Variants in ZRANB3 observed in about 807,000 individuals in gnomAD.
The protein encoded by ZRANB3 is zinc finger RANBP2-type containing 3.
In ZRANB3, 125 loss-of-function variants were observed where a neutral mutation model predicts 133.8. That is an observed-to-expected ratio of 0.93 (90% CI 0.81 to 1.08). The LOEUF (loss-of-function observed/expected upper bound fraction) is 1.08, where lower values mean the gene tolerates loss of function less well. Ranked by LOEUF, ZRANB3 falls within the 50% of genes least tolerant of loss-of-function variation. ZRANB3 has a pLI of 0.00. For missense variants in ZRANB3, 1,229 were observed against 1,275.5 expected (o/e 0.96, Z 0.56); for synonymous variants, 387 against 432.7 (o/e 0.89, Z 1.31).
chr2:135,418,999 G>C (rs1446185515), intron 2 of ZRANB3, among the ~76,000 whole-genome samples: 1 of 134,140 alleles, frequency 7.5e-6, no homozygotes, highest in African/African-American at 2.8e-5. Flanking sequence ...GTGCAGTGGT[G>C]CGATCTCGGC....
chr2:135,365,819 A>C (rs1046959501), intron 3 of ZRANB3, among the ~76,000 whole-genome samples: 2 of 152,220 alleles, frequency 1.3e-5, no homozygotes, highest in Non-Finnish European at 2.9e-5. Context: ...ATCCTTTTTA[A>C]TGTGGCAACA....
intron 11 of ZRANB3, 52 bp downstream of exon 11, chr2:135,268,910 G>C: frequency 1.3e-6 from 2 of 1,514,680 alleles, no homozygotes; most frequent in Non-Finnish European, 1.8e-6. Flanking sequence ...ACTCACATTG[G>C]CTATGGTTAA....
chr2:135,484,527 T>C (rs1349341752), intron 2 of ZRANB3, among the ~76,000 whole-genome samples: 1 of 151,902 alleles, frequency 6.6e-6, no homozygotes, highest in Non-Finnish European at 1.5e-5. Context: ...AATAAAAAAT[T>C]AGGCAATGTA....
intron 1 of ZRANB3, chr2:135,510,644 G>A (rs182643220): frequency 1.3e-6 from 1 of 791,456 alleles, no homozygotes; most frequent in Non-Finnish European, 2.3e-6. Flanking sequence ...AGCCCACATA[G>A]AGGGCCTCCA....
chr2:135,285,863 C>A (rs1301519410), intron 8 of ZRANB3, among the ~76,000 whole-genome samples: 1 of 152,012 alleles, frequency 6.6e-6, no homozygotes, highest in Non-Finnish European at 1.5e-5. Flanking sequence ...TTATGCTGAT[C>A]ACAAATCTGA....
At chr2:135,484,547 A>T (rs1692004487) in intron 2 of ZRANB3, among the ~76,000 whole-genome samples, 1 of 152,010 alleles carries the variant, frequency 6.6e-6, no homozygotes, top group East Asian at 1.9e-4. Flanking sequence ...ATCTAACACT[A>T]AGCTTGATGG....
At chr2:135,238,682 G>A (rs62172170) in intron 12 of ZRANB3, 6,060 of 152,424 alleles carry the variant, frequency 0.04, 135 homozygotes, top group African/African-American at 0.048. Flanking sequence ...TGTGACTTCT[G>A]AGGCTAGGTC....
chr2:135,403,841 G>C (rs1349152022), intron 2 of ZRANB3, among the ~76,000 whole-genome samples: 1 of 152,212 alleles, frequency 6.6e-6, no homozygotes. Context: ...CAGGCAAACA[G>C]GGCCTGGAGT....
rs1559030652 is a variant in ZRANB3 at position 135,485,175 on chromosome 2, A to AACATAACATAACAT, written c.161+19153_161+19154insATGTTATGTTATGT. On this transcript the variant is annotated intron_variant, in intron 2 of 20. Coordinates refer to ENST00000264159, the MANE Select transcript of ZRANB3 (RefSeq NM_032143.4). ...AAACAAAACAAAACAAAACAAAACA[A>AACATAACATAACAT]AACAAAACAAAACATAACATAACAT... is the stretch of plus-strand genomic sequence containing the variant. Among the ~76,000 whole-genome samples, 63 of 127,128 alleles carry AACATAACATAACAT rather than the reference A, an allele frequency of 5.0e-4. No homozygotes were observed. In the South Asian group the frequency reaches 7.0e-3, roughly 14 times the overall value. 83.4% of individuals were successfully genotyped at this position (127,128 alleles called of 152,430 possible).
intron 2 of ZRANB3, among the ~76,000 whole-genome samples, chr2:135,425,011 T>C (rs1016849123): frequency 7.9e-5 from 12 of 152,114 alleles, no homozygotes; most frequent in East Asian, 3.9e-4. Context: ...GTCAATGGAT[T>C]TGAAGAGGAA....
intron 17 of ZRANB3, among the ~76,000 whole-genome samples, chr2:135,216,577 C>T (rs1694321405): frequency 6.6e-6 from 1 of 151,786 alleles, no homozygotes; most frequent in Admixed American, 6.6e-5. Flanking sequence ...GTAGCTAGAA[C>T]TATAGGAGTG....
chr2:135,393,058 G>C (rs1233884461), intron 2 of ZRANB3, among the ~76,000 whole-genome samples: 2 of 151,894 alleles, frequency 1.3e-5, no homozygotes, highest in African/African-American at 4.8e-5. Flanking sequence ...TGTAGAGACA[G>C]GGTTTCACTA....
At chr2:135,407,324 G>A (rs950875947) in intron 2 of ZRANB3, among the ~76,000 whole-genome samples, 6 of 152,092 alleles carry the variant, frequency 3.9e-5, no homozygotes, top group African/African-American at 1.4e-4. Flanking sequence ...AATAAAAAAG[G>A]ATACAAACAA....
At chr2:135,357,717 A>C (rs181443886) in intron 3 of ZRANB3, among the ~76,000 whole-genome samples, 4 of 152,328 alleles carry the variant, frequency 2.6e-5, no homozygotes, top group Admixed American at 1.3e-4. Context: ...CAGCCAAAAA[A>C]ATAAGTTATT....
chr2:135,216,437 C>T (rs1356391216), intron 17 of ZRANB3, among the ~76,000 whole-genome samples: 1 of 151,974 alleles, frequency 6.6e-6, no homozygotes, highest in African/African-American at 2.4e-5. Flanking sequence ...GCTTTGCCAT[C>T]TGTTTTGTTT....
intron 8 of ZRANB3, among the ~76,000 whole-genome samples, chr2:135,295,420 C>A (rs1456609216): frequency 6.6e-6 from 1 of 151,566 alleles, no homozygotes; most frequent in Non-Finnish European, 1.5e-5. Context: ...TTTTGTTTTC[C>A]ATTTGCTTGG....
intron 2 of ZRANB3, among the ~76,000 whole-genome samples, chr2:135,480,588 T>G (rs911483494): frequency 2.0e-5 from 3 of 152,094 alleles, no homozygotes; most frequent in Non-Finnish European, 2.9e-5. Context: ...AAGCCTTAAA[T>G]ACTACAAAGG....
chr2:135,484,365 C>T (rs1175188449), intron 2 of ZRANB3, among the ~76,000 whole-genome samples: 2 of 152,200 alleles, frequency 1.3e-5, no homozygotes, highest in Non-Finnish European at 2.9e-5. Context: ...CTTCTTACAT[C>T]TCCTGAATGA....
intron 2 of ZRANB3, among the ~76,000 whole-genome samples, chr2:135,416,084 C>T (rs972474165): frequency 7.2e-5 from 11 of 152,012 alleles, no homozygotes; most frequent in African/African-American, 2.7e-4. Flanking sequence ...TCCTATTCAA[C>T]ATAGTGTTGG....
Sources: allele counts gnomAD v4.1 joint callset (sites outside exome capture counted in the v4.1 genomes callset), GRCh38; gene constraint gnomAD v4.1.1; transcripts MANE v1.5; gene names NCBI Gene and HGNC (gene_info 2026-07-23, HGNC 2026-07-21).